The following PLEKHO2 variants were observed in gnomAD, a reference collection of about 807,000 sequenced individuals.
The protein encoded by PLEKHO2 is pleckstrin homology domain-containing family O member 2.
PLEKHO2 carries 20 observed loss-of-function variants against 32.7 expected under a neutral mutation model. The ratio of observed to expected loss-of-function variants is 0.61; its 90% CI spans 0.43 to 0.89. PLEKHO2 has a LOEUF of 0.89. Among genes scored for constraint, PLEKHO2 ranks in the 40% least tolerant of loss-of-function variants. The probability of loss-of-function intolerance (pLI) is 0.00; values close to 1 mark genes in which losing one functional copy is unlikely to be tolerated. For synonymous variants in PLEKHO2, 247 were observed against 246.3 expected (o/e 1.00, Z -0.03); for missense variants, 568 against 621.2 (o/e 0.91, Z 0.91).
intron 3 of PLEKHO2, among the ~76,000 whole-genome samples, chr15:64,859,173 T>C (rs1272182125): frequency 1.3e-5 from 2 of 152,256 alleles, no homozygotes; most frequent in Non-Finnish European, 2.9e-5. Flanking sequence ...CATTCATCTG[T>C]CAGTGGACAC....
chr15:64,842,132 C>A, intron 1 of PLEKHO2, 104 bp downstream of exon 1: 1 of 1,063,700 alleles, frequency 9.4e-7, no homozygotes, highest in Non-Finnish European at 1.2e-6. Flanking sequence ...CCACTCCCGC[C>A]AGTCTCACCT....
intron 2 of PLEKHO2, among the ~76,000 whole-genome samples, chr15:64,853,612 C>G (rs4776249): frequency 0.18 from 27,903 of 151,978 alleles, 3,523 homozygotes; most frequent in East Asian, 0.75. Context: ...GCATTTCTAA[C>G]AAGCTCTCAG....
At chr15:64,854,494 G>C (rs1445422037) in intron 2 of PLEKHO2, among the ~76,000 whole-genome samples, 1 of 152,192 alleles carries the variant, frequency 6.6e-6, no homozygotes, top group Admixed American at 6.5e-5. Flanking sequence ...GCTCTTCCTG[G>C]AAAGTCGTTG....
chr15:64,856,274 A>T (rs1186264308), intron 3 of PLEKHO2, among the ~76,000 whole-genome samples: 1 of 151,988 alleles, frequency 6.6e-6, no homozygotes. Flanking sequence ...TTTGAGAGAG[A>T]TGAGATGCAA....
chr15:64,857,117 C>T (rs909456600), intron 3 of PLEKHO2, among the ~76,000 whole-genome samples: 7 of 152,222 alleles, frequency 4.6e-5, no homozygotes, highest in Admixed American at 1.3e-4. Context: ...TGGCCCTTTC[C>T]TCTTTCCTGC....
In PLEKHO2 at chr15:64,866,197, T is replaced by C. The variant is rs145517118; in HGVS notation, c.*309T>C. Reference sequence around the variant, plus strand: ...GGTCGTTCCAAACTGCCCCAGGGCTTTGGGGGCGGCACTTGGGGTTTCTGG... The same window carrying C: ...GGTCGTTCCAAACTGCCCCAGGGCTCTGGGGGCGGCACTTGGGGTTTCTGG... On this transcript the variant is annotated 3_prime_UTR_variant, in exon 6 of 6. Transcript: ENST00000323544. 25 of 497,882 alleles carry C rather than the reference T, an allele frequency of 5.0e-5. No individual in the cohort carries two copies. In the East Asian group the frequency reaches 8.9e-4, roughly 18 times the overall value. 30.8% of individuals were successfully genotyped at this position (497,882 alleles called of 1,614,324 possible).
intron 1 of PLEKHO2, among the ~76,000 whole-genome samples, chr15:64,845,659 C>G (rs1044037862): frequency 6.6e-6 from 1 of 152,214 alleles, no homozygotes; most frequent in African/African-American, 2.4e-5. Context: ...TAGTCCTGCC[C>G]TGGTCCCATT....
intron 3 of PLEKHO2, among the ~76,000 whole-genome samples, chr15:64,859,257 T>A (rs1192253441): frequency 6.6e-6 from 1 of 152,248 alleles, no homozygotes; most frequent in African/African-American, 2.4e-5. Flanking sequence ...TACATCATTT[T>A]AAAAATGATC....
chr15:64,859,354 G>A (rs2084627460), intron 3 of PLEKHO2, among the ~76,000 whole-genome samples: 1 of 152,230 alleles, frequency 6.6e-6, no homozygotes, highest in Non-Finnish European at 1.5e-5. Flanking sequence ...TGTAAGTGGT[G>A]GACTGTCCTG....
At position 64,865,424 on chromosome 15, in the gene PLEKHO2, G is replaced by A. The variant is rs751808419; in HGVS notation, c.1009G>A (p.Gly337Ser). ...EMQASGPPAPGTVQVSVNGMD... is the reference protein window; with the variant it reads ...EMQASGPPAPSTVQVSVNGMD... ...GCAGGCTTCTGGGCCACCTGCTCCAGGCACAGTGCAGGTCTCAGTGAATGG... is the reference window on the plus strand; with the variant it reads ...GCAGGCTTCTGGGCCACCTGCTCCAAGCACAGTGCAGGTCTCAGTGAATGG... The change falls in exon 6 of 6, where the codon GGC becomes AGC. Residue 337 changes from glycine (G) to serine (S), a missense_variant. Physicochemically the swap from Gly to Ser is moderately conservative, Grantham distance 56 (BLOSUM62 0). Coordinates refer to ENST00000323544, the MANE Select transcript of PLEKHO2 (RefSeq NM_025201.5). 1.9e-6 allele frequency: 3 copies of A among 1,614,038 alleles called. No homozygotes were observed. Among genetic ancestry groups the A allele is most frequent in the Admixed American group, 3.3e-5 (2 of 60,022 alleles).
At chr15:64,858,120 C>T (rs1016359131) in intron 3 of PLEKHO2, among the ~76,000 whole-genome samples, 2 of 152,164 alleles carry the variant, frequency 1.3e-5, no homozygotes, top group Non-Finnish European at 2.9e-5. Flanking sequence ...TGTCTCTGAG[C>T]CCCCAGCAGC....
At chr15:64,848,794 G>A in intron 2 of PLEKHO2, 52 bp downstream of exon 2, 1 of 1,609,322 alleles carries the variant, frequency 6.2e-7, no homozygotes, top group Non-Finnish European at 8.5e-7. Flanking sequence ...GGGGCAAAGT[G>A]AGGGCATTCA....
chr15:64,844,695 C>T (rs1056708227), intron 1 of PLEKHO2, among the ~76,000 whole-genome samples: 1 of 152,172 alleles, frequency 6.6e-6, no homozygotes, highest in Non-Finnish European at 1.5e-5. Flanking sequence ...GTTGAGGGGG[C>T]AGGGGCTTTG....
chr15:64,843,728 G>A (rs1260516936), intron 1 of PLEKHO2, among the ~76,000 whole-genome samples: 1 of 151,964 alleles, frequency 6.6e-6, no homozygotes, highest in Non-Finnish European at 1.5e-5. Flanking sequence ...TTACAGGCAT[G>A]CACCACCACG....
chr15:64,850,227 A>G (rs1035951688), intron 2 of PLEKHO2, among the ~76,000 whole-genome samples: 4 of 152,142 alleles, frequency 2.6e-5, no homozygotes, highest in Non-Finnish European at 2.9e-5. Context: ...ATATCTCCCT[A>G]TGACAAATTG....
intron 3 of PLEKHO2, among the ~76,000 whole-genome samples, chr15:64,858,564 A>T (rs1029658283): frequency 2.6e-5 from 4 of 152,190 alleles, no homozygotes; most frequent in African/African-American, 9.7e-5. Context: ...ACTATGTGCC[A>T]GTCCCTGCTT....
chr15:64,842,063 G>T (rs1412498853), intron 1 of PLEKHO2, 35 bp downstream of exon 1: 1 of 1,234,578 alleles, frequency 8.1e-7, no homozygotes, highest in Non-Finnish European at 1.0e-6. Flanking sequence ...TTGGGCTGGG[G>T]TCCTCGAGCC....
chr15:64,866,433 G>C lies in PLEKHO2; in HGVS notation c.*545G>C, dbSNP rs546062066. 2 of 455,846 alleles carry C rather than the reference G, an allele frequency of 4.4e-6. No homozygotes were observed. The highest frequency in any genetic ancestry group is 1.6e-5 in the South Asian group (1 of 64,498). The allele number at this position is 455,846 out of a possible 1,614,324, so 28.2% of individuals were successfully genotyped here. A position where few individuals can be genotyped will look rare whatever the true frequency, so the allele number is the denominator to read the frequency against. On this transcript the variant is annotated 3_prime_UTR_variant, in exon 6 of 6. Coordinates refer to ENST00000323544, the MANE Select transcript of PLEKHO2 (RefSeq NM_025201.5). ...AGGCTCTAGGTTCATCCCTCAGTTG[G>C]GGGGAACGTAGGACCCAGCTGGAGC...
rs2084539189 is a variant in PLEKHO2 at position 64,848,411 on chromosome 15, T to G, written c.13-182T>G. On this transcript the variant is annotated intron_variant, in intron 1 of 5. Transcript: ENST00000323544. ...CAGAGTAAAGTGGCTGCTGCTATTATTGTTGTTATTAGCTCTGATCCTGGG... is the reference window on the plus strand; with the variant it reads ...CAGAGTAAAGTGGCTGCTGCTATTAGTGTTGTTATTAGCTCTGATCCTGGG... 3.3e-5 allele frequency among the ~76,000 whole-genome samples: 5 copies of G among 152,180 alleles called. No homozygotes were observed. In the South Asian group the frequency reaches 1.0e-3, roughly 32 times the overall value.
Sources: gnomAD v4.1 joint callset for allele counts (sites outside exome capture counted in the v4.1 genomes callset) on GRCh38, gnomAD v4.1.1 for gene constraint, MANE v1.5 for transcripts, NCBI Gene and HGNC (gene_info 2026-07-23, HGNC 2026-07-21) for gene names.